SV2B: variants seen among roughly 807,000 people sequenced by gnomAD.
SV2B encodes the protein synaptic vesicle glycoprotein 2B.
In SV2B, 41 loss-of-function variants were observed where a neutral mutation model predicts 73.9. The observed-to-expected ratio is 0.56, with a 90% CI of 0.43 to 0.72. SV2B has a LOEUF of 0.72. Among genes scored for constraint, SV2B ranks in the 30% least tolerant of loss-of-function variants. The probability of loss-of-function intolerance (pLI) is 0.00; values close to 1 mark genes in which losing one functional copy is unlikely to be tolerated. For synonymous variants in SV2B, 314 were observed against 314.2 expected, an observed-to-expected ratio of 1.00 and a Z score of 0.01; for missense variants, 764 against 857.8, an observed-to-expected ratio of 0.89 and a Z score of 1.37.
In SV2B at chr15:91,105,554, T is replaced by G. The variant is rs1232003121; in HGVS notation, c.-392+5191T>G. On this transcript the variant is annotated intron_variant, in intron 1 of 12. Coordinates refer to ENST00000394232, the MANE Select transcript of SV2B (RefSeq NM_001323032.3). The surrounding 1 kb of genome is among the most constrained non-coding windows in gnomAD (Gnocchi z 5.5). Reference sequence around the variant, plus strand: ...TAATAGAAGGTCCTGTAGGGCCTTGTGTAGACTTTAGCCTTTATTTTGAGG... The same window carrying G: ...TAATAGAAGGTCCTGTAGGGCCTTGGGTAGACTTTAGCCTTTATTTTGAGG... Among the ~76,000 whole-genome samples, 1 of 152,224 alleles carries G rather than the reference T, an allele frequency of 6.6e-6. No homozygotes were observed. Among genetic ancestry groups the G allele is most frequent in the African/African-American group, 2.4e-5 (1 of 41,456 alleles).
At position 91,137,197 on chromosome 15, in the gene SV2B, G is replaced by T. The variant is rs1162465795; in HGVS notation, c.-392+36834G>T. Among the ~76,000 whole-genome samples the T allele has an allele frequency of 2.0e-5, 3 of 152,002 alleles. No individual in the cohort carries two copies. Among genetic ancestry groups the T allele is most frequent in the Admixed American group, 1.3e-4 (2 of 15,240 alleles). On this transcript the variant is annotated intron_variant, in intron 1 of 12. Coordinates refer to ENST00000394232, the MANE Select transcript of SV2B (RefSeq NM_001323032.3). The surrounding 1 kb of genome is among the most constrained non-coding windows in gnomAD (Gnocchi z 4.9). ...TCATGGTTGTATAAATTCTTTAAAT[G>T]GTTTTATTAAAAACTTAAATACGTC...
At chr15:91,205,259 C>A (rs1307698464) in intron 1 of SV2B, among the ~76,000 whole-genome samples, 1 of 152,060 alleles carries the variant, frequency 6.6e-6, no homozygotes, top group East Asian at 1.9e-4. Context: ...TGAGGGCCGA[C>A]ATCAGGGAAG....
chr15:91,260,909 C>A (rs1025958879), intron 6 of SV2B, among the ~76,000 whole-genome samples: 3 of 152,098 alleles, frequency 2.0e-5, no homozygotes, highest in Non-Finnish European at 2.9e-5. Context: ...TGGGTGAAAC[C>A]ACCCCCATGA....
rs2042250602 is a variant in SV2B, at chr15:91,118,908, G to A, written c.-392+18545G>A. On this transcript the variant is annotated intron_variant, in intron 1 of 12. Transcript: ENST00000394232. This position sits in a 1 kb window ranked among gnomAD's most constrained non-coding sequence, Gnocchi z 4.7. ...TCTCATCGGCTCTGTGTGGAGACTT[G>A]CAATACTTTATATACTGGTGAATGA... 6.6e-6 allele frequency among the ~76,000 whole-genome samples: 1 copy of A among 152,168 alleles called. No individual in the cohort carries two copies. The highest frequency in any genetic ancestry group is 6.5e-5 in the Admixed American group (1 of 15,290).
chr15:91,156,253 A>C (rs2043486154), intron 1 of SV2B, among the ~76,000 whole-genome samples: 1 of 152,118 alleles, frequency 6.6e-6, no homozygotes, highest in South Asian at 2.1e-4. Context: ...AAGGGTATAG[A>C]TAGGCTTCTT....
intron 1 of SV2B, among the ~76,000 whole-genome samples, chr15:91,125,224 T>C (rs543662881): frequency 6.6e-6 from 1 of 152,352 alleles, no homozygotes; most frequent in Non-Finnish European, 1.5e-5. Flanking sequence ...TTTATCCAAA[T>C]ACGGTCACAT....
chr15:91,133,743 A>C (rs1036531914), intron 1 of SV2B, among the ~76,000 whole-genome samples: 1 of 152,082 alleles, frequency 6.6e-6, no homozygotes, highest in African/African-American at 2.4e-5. Flanking sequence ...CCATGGCAAC[A>C]AAGTCTTTGA....
rs564245217 is a variant in SV2B at position 91,130,613 on chromosome 15, C to T, written c.-392+30250C>T. 7.2e-5 allele frequency among the ~76,000 whole-genome samples: 11 copies of T among 152,144 alleles called. No homozygotes were observed. Among genetic ancestry groups the T allele is most frequent in the Admixed American group, 2.0e-4 (3 of 15,276 alleles). ...AGGGGTCTGACCAAGTAGGTGTTCA[C>T]GGAGGACAGGGACCAAGAGGAAGCT... On this transcript the variant is annotated intron_variant, in intron 1 of 12. Coordinates refer to ENST00000394232, the MANE Select transcript of SV2B (RefSeq NM_001323032.3). The surrounding 1 kb of genome is among the most constrained non-coding windows in gnomAD (Gnocchi z 5.6).
At chr15:91,249,485 G>T (rs577470731) in intron 2 of SV2B, among the ~76,000 whole-genome samples, 2 of 152,098 alleles carry the variant, frequency 1.3e-5, no homozygotes, top group Non-Finnish European at 2.9e-5. Flanking sequence ...CAATACTGGG[G>T]GTGAGCAGAT....
intron 1 of SV2B, among the ~76,000 whole-genome samples, chr15:91,131,977 TAAAC>T (rs759444932): frequency 2.0e-4 from 31 of 152,022 alleles, no homozygotes; most frequent in South Asian, 6.2e-4. Flanking sequence ...AACAAACAAA[TAAAC>T]AAACAAAACT....
chr15:91,248,823 A>G (rs2047358534), intron 2 of SV2B, among the ~76,000 whole-genome samples: 1 of 152,206 alleles, frequency 6.6e-6, no homozygotes, highest in Non-Finnish European at 1.5e-5. Flanking sequence ...GTAAAGTTTG[A>G]GAAGTGCTGA....
chr15:91,233,204 A>G (rs2046649561), intron 2 of SV2B, among the ~76,000 whole-genome samples: 1 of 152,202 alleles, frequency 6.6e-6, no homozygotes, highest in African/African-American at 2.4e-5. Flanking sequence ...TGACGTGGCA[A>G]TGAAGATACA....
At position 91,251,939 on chromosome 15, in the gene SV2B, T is replaced by A. The variant is rs771169038; in HGVS notation, c.572T>A (p.Leu191His). ...SLAVNASFAS[L>H]SSFVQGYGAF... ...GCCGTCAATGCCTCCTTCGCCTCCC[T>A]CTCTTCCTTCGTGCAGGGATATGGA... The change falls in exon 3 of 13, where the codon CTC (leucine) becomes CAC (histidine). Residue 191 changes from leucine to histidine, a missense_variant. Physicochemically the swap from Leu to His is moderately conservative, Grantham distance 99. Coordinates refer to ENST00000394232, the MANE Select transcript of SV2B (RefSeq NM_001323032.3). The A allele has an allele frequency of 6.2e-7, 1 of 1,614,118 alleles. No individual in the cohort carries two copies. The highest frequency in any genetic ancestry group is 1.1e-5 in the South Asian group (1 of 91,076).
In SV2B at chr15:91,214,622, G is replaced by A. The variant is rs984568865; in HGVS notation, c.-391-11251G>A. On this transcript the variant is annotated intron_variant, in intron 1 of 12. Transcript: ENST00000394232. The surrounding 1 kb of genome is among the most constrained non-coding windows in gnomAD (Gnocchi z 4.7). ...AAAGAAATGCAGTGGGCAAGAATTC[G>A]CTTTACAACAGCCACTGTATGGCAA... 1.3e-5 allele frequency among the ~76,000 whole-genome samples: 2 copies of A among 152,186 alleles called. No individual in the cohort carries two copies. Among genetic ancestry groups the A allele is most frequent in the Admixed American group, 6.5e-5 (1 of 15,276 alleles).
At chr15:91,188,383 G>C (rs934290746) in intron 1 of SV2B, among the ~76,000 whole-genome samples, 3 of 151,898 alleles carry the variant, frequency 2.0e-5, no homozygotes, top group Non-Finnish European at 1.5e-5. Flanking sequence ...GCAAGATCTT[G>C]GCTCACTGCA....
In SV2B at chr15:91,110,680, C is replaced by T. The variant is rs960029893; in HGVS notation, c.-392+10317C>T. On this transcript the variant is annotated intron_variant, in intron 1 of 12. Coordinates refer to ENST00000394232, the MANE Select transcript of SV2B (RefSeq NM_001323032.3). The surrounding 1 kb of genome is among the most constrained non-coding windows in gnomAD (Gnocchi z 5.4). ...GCCTGCCCTAGGCAAAGTGCTGGGC[C>T]TGGGAGATGGGGCTGGAAAGGTCAT... 1.3e-5 allele frequency among the ~76,000 whole-genome samples: 2 copies of T among 152,124 alleles called. No homozygotes were observed. Among genetic ancestry groups the T allele is most frequent in the East Asian group, 3.8e-4 (2 of 5,196 alleles).
chr15:91,172,703 C>G (rs1179223625), intron 1 of SV2B, among the ~76,000 whole-genome samples: 2 of 152,174 alleles, frequency 1.3e-5, no homozygotes, highest in Admixed American at 6.5e-5. Context: ...CAGCTCTTGT[C>G]CTGATAGCTG....
At chr15:91,101,103 C>T (rs1016644443) in intron 1 of SV2B, among the ~76,000 whole-genome samples, 2 of 152,146 alleles carry the variant, frequency 1.3e-5, no homozygotes, top group Admixed American at 1.3e-4. Context: ...TTAAGGGTAA[C>T]TTAACGTTGG....
chr15:91,103,442 A>T (rs961281217), intron 1 of SV2B, among the ~76,000 whole-genome samples: 4 of 152,218 alleles, frequency 2.6e-5, no homozygotes, highest in African/African-American at 7.2e-5. Flanking sequence ...AGTTTCTATG[A>T]TCATGGAAAA....
Sources: allele counts gnomAD v4.1 joint callset (sites outside exome capture counted in the v4.1 genomes callset), GRCh38; gene constraint gnomAD v4.1.1; non-coding constraint Gnocchi (gnomAD v3.1); transcripts MANE v1.5; gene names NCBI Gene and HGNC (gene_info 2026-07-23, HGNC 2026-07-21).